The following JAG1 variants were observed in gnomAD, a reference collection of about 807,000 sequenced individuals.
JAG1 encodes protein jagged-1.
A neutral mutation model predicts 148.7 loss-of-function variants in JAG1; 23 were observed. The observed-to-expected ratio is 0.15, with a 90% CI of 0.11 to 0.22. The LOEUF is 0.22. JAG1 is among the 10% of genes least tolerant of loss of function. The pLI is 1.00. For missense variants in JAG1, 1,054 were observed against 1,611.2 expected (o/e 0.65, Z 5.92); for synonymous variants, 572 against 598.3 (o/e 0.96, Z 0.64).
At chr20:10,670,959 T>C (rs933349355) in intron 2 of JAG1, among the ~76,000 whole-genome samples, 2 of 152,254 alleles carry the variant, frequency 1.3e-5, no homozygotes, top group African/African-American at 4.8e-5. Context: ...CACTTTTCCT[T>C]GGCCAGCGAG....
Position 10,641,523 on chromosome 20 carries a change from G to A in JAG1, c.2853C>T (p.Asp951=), listed in dbSNP as rs770380587. ...LQPVKTKCTS[D]SYYQDNCANI... is the part of the protein sequence containing the mutation. The stretch of plus-strand genomic sequence containing the variant: ...TCGCACAGTTATCCTGGTAATAGGA[G>A]TCAGAGGTGCACTTTGTCTTCACCG... Residue 951 remains aspartate, a synonymous_variant, in exon 23 of 26, where the codon GAC becomes GAT. Transcript: ENST00000254958. The A allele has an allele frequency of 1.1e-5, 17 of 1,614,094 alleles. No individual in the cohort carries two copies. Among genetic ancestry groups the A allele is most frequent in the Middle Eastern group, 3.3e-4 (2 of 6,082 alleles).
chr20:10,650,430 C>A, intron 8 of JAG1, 70 bp from the exon 9 acceptor site: 2 of 852,768 alleles, frequency 2.3e-6, no homozygotes, highest in Non-Finnish European at 4.0e-6. Context: ...CCTTTAACAT[C>A]ACCTCTTACA....
chr20:10,660,082 T>A (rs551669447), intron 3 of JAG1, among the ~76,000 whole-genome samples: 121 of 152,324 alleles, frequency 7.9e-4, no homozygotes, highest in South Asian at 1.5e-3. Flanking sequence ...TTGTGATTCT[T>A]ACCCACCCAC....
At chr20:10,669,960 T>C (rs182263961) in intron 2 of JAG1, among the ~76,000 whole-genome samples, 288 of 152,304 alleles carry the variant, frequency 1.9e-3, no homozygotes, top group Non-Finnish European at 3.3e-3. Context: ...TTAATCCAGA[T>C]AGTTGCTGCA....
In JAG1 at chr20:10,673,659, G is replaced by A. The variant is rs886056516; in HGVS notation, c.-129C>T. 17 of 317,752 alleles carry A rather than the reference G, an allele frequency of 5.4e-5. No homozygotes were observed. Among genetic ancestry groups the A allele is most frequent in the Non-Finnish European group, 9.2e-5 (17 of 184,610 alleles). 19.7% of individuals were successfully genotyped at this position (317,752 alleles called of 1,614,324 possible). On this transcript the variant is annotated 5_prime_UTR_variant, in exon 1 of 26. Coordinates refer to ENST00000254958, the MANE Select transcript of JAG1 (RefSeq NM_000214.3). This position sits in a 1 kb window ranked among gnomAD's most constrained non-coding sequence, Gnocchi z 4.7. ...CGGCTCTAATATACTCCGCCGATTG[G>A]AGCATGCACGACTGGAAAACAACAC...
intron 6 of JAG1, 45 bp downstream of exon 6, chr20:10,652,423 C>T (rs1354642680): frequency 1.4e-5 from 22 of 1,611,008 alleles, no homozygotes; most frequent in Non-Finnish European, 1.8e-5. Context: ...TTAGTGCCAT[C>T]CCACCCCCAG....
intron 5 of JAG1, chr20:10,652,842 C>G (rs1283752486): frequency 2.3e-6 from 1 of 430,424 alleles, no homozygotes; most frequent in Non-Finnish European, 4.4e-6. Flanking sequence ...ATGGGGATGC[C>G]CTTCACAAAG....
At chr20:10,660,801 T>C (rs1436428734) in intron 3 of JAG1, among the ~76,000 whole-genome samples, 1 of 152,188 alleles carries the variant, frequency 6.6e-6, no homozygotes, top group East Asian at 1.9e-4. Context: ...TGGCAGTTCG[T>C]TTGGCAGTCC....
Position 10,654,595 on chromosome 20 carries a change from A to G in JAG1, c.755+1803T>C, listed in dbSNP as rs575715977. ...AAAGACAACTTGCAGGTAACTTGCC[A>G]TTCAACTATTTCTGCAGCAGGACAC... is the stretch of plus-strand genomic sequence containing the variant. On this transcript the variant is annotated intron_variant, in intron 5 of 25. Transcript: ENST00000254958. Among the ~76,000 whole-genome samples the G allele has an allele frequency of 1.4e-4, 21 of 152,290 alleles. No homozygotes were observed. In the South Asian group the frequency reaches 4.1e-3, roughly 30 times the overall value.
At chr20:10,649,797 T>TCCCTCTCCC in intron 9 of JAG1, 162 bp from the exon 10 acceptor site, 1 of 664,434 alleles carries the variant, frequency 1.5e-6, no homozygotes, top group Non-Finnish European at 2.7e-6. Context: ...AAGCATCTGA[T>TCCCTCTCCC]CCCTCTCCCT....
rs2067351426 is a variant in JAG1, at chr20:10,652,175, T to C, written c.962A>G (p.Gln321Arg). 6.2e-7 allele frequency: 1 copy of C among 1,614,050 alleles called. No homozygotes were observed. The highest frequency in any genetic ancestry group is 1.1e-5 in the South Asian group (1 of 91,078). Residue 321 changes from glutamine to arginine, a missense_variant, in exon 7 of 26, where the codon CAG becomes CGG. By Grantham distance (43) the Gln-to-Arg change is conservative. Coordinates refer to ENST00000254958, the MANE Select transcript of JAG1 (RefSeq NM_000214.3). ...TGAATACCCCTCAGGGCAGGAACAC[T>C]GATATTTGTCAGGGCCTGTGTTGCT... ...TCSNTGPDKY[Q>R]CSCPEGYSGP...
Position 10,652,213 on chromosome 20 carries a change from G to C in JAG1, c.924C>G (p.Asn308Lys). Residue 308 changes from asparagine (N) to lysine (K), a missense_variant, in exon 7 of 26, where the codon AAC (asparagine) becomes AAG (lysine). Coordinates refer to ENST00000254958, the MANE Select transcript of JAG1 (RefSeq NM_000214.3). ...GGCCTGTGTTGCTACAAGTTCCCCC[G>C]TTGAGACACGGCTGATGAGTCCCAC... ...NYCGTHQPCL[N>K]GGTCSNTGPD... 1 of 1,613,964 alleles carries C rather than the reference G, an allele frequency of 6.2e-7. No individual in the cohort carries two copies. The highest frequency in any genetic ancestry group is 1.3e-5 in the African/African-American group (1 of 75,002).
rs140481981 is a variant in JAG1, at chr20:10,654,885, C to T, written c.755+1513G>A. 4.3e-3 allele frequency among the ~76,000 whole-genome samples: 648 copies of T among 152,316 alleles called. 7 individuals carry two copies. Among genetic ancestry groups the T allele is most frequent in the Non-Finnish European group, 7.3e-3 (499 of 68,024 alleles). On this transcript the variant is annotated intron_variant, in intron 5 of 25. Coordinates refer to ENST00000254958, the MANE Select transcript of JAG1 (RefSeq NM_000214.3). Reference sequence around the variant, plus strand: ...GTGTTCTGATGACAGCAGCACAAATCACAGTCGGCCTCCGCTGATATCCAT... The same window carrying T: ...GTGTTCTGATGACAGCAGCACAAATTACAGTCGGCCTCCGCTGATATCCAT...
chr20:10,660,879 C>A (rs767409903), intron 3 of JAG1, among the ~76,000 whole-genome samples: 1 of 152,092 alleles, frequency 6.6e-6, no homozygotes, highest in Non-Finnish European at 1.5e-5. Flanking sequence ...AGATGAGTCA[C>A]GAAGAAGCCA....
Position 10,638,034 on chromosome 20 carries a change from A to G in JAG1, c.*1464T>C, listed in dbSNP as rs1208128896. ...TTTTCAAAATTTATTGCCAAGAACA[A>G]CACATCAAAGATGCATTTGTATGTT... On this transcript the variant is annotated 3_prime_UTR_variant, in exon 26 of 26. Coordinates refer to ENST00000254958, the MANE Select transcript of JAG1 (RefSeq NM_000214.3). 6.5e-6 allele frequency: 1 copy of G among 152,706 alleles called. No individual in the cohort carries two copies. The highest frequency in any genetic ancestry group is 2.4e-5 in the African/African-American group (1 of 41,472). 9.5% of individuals were successfully genotyped at this position (152,706 alleles called of 1,614,324 possible).
Position 10,647,062 on chromosome 20 carries a change from G to T in JAG1, c.1762C>A (p.Pro588Thr). 1 of 1,614,202 alleles carries T rather than the reference G, an allele frequency of 6.2e-7. No individual in the cohort carries two copies. The highest frequency in any genetic ancestry group is 2.2e-5 in the East Asian group (1 of 44,874). ...CTVAMASNDT[P>T]EGVRYISSNV... ...GAGGAAATATACCGCACCCCTTCAG[G>T]TGTGTCGTTGGAAGCCATGGCCACT... The change falls in exon 14 of 26, where the codon CCT becomes ACT. Residue 588 changes from proline to threonine, a missense_variant. Transcript: ENST00000254958.
chr20:10,645,287 G>C lies in JAG1; in HGVS notation c.2114-31C>G. On this transcript the variant is annotated intron_variant, in intron 16 of 25. Transcript: ENST00000254958. This position sits in a 1 kb window ranked among gnomAD's most constrained non-coding sequence, Gnocchi z 6.1. ...GGAAAATATTTCAGTGTGAGTCCCA[G>C]TGGCCCCCTCCCACAGAAGACAGAG... The C allele has an allele frequency of 6.2e-7, 1 of 1,606,812 alleles. No individual in the cohort carries two copies. The highest frequency in any genetic ancestry group is 1.1e-5 in the South Asian group (1 of 90,918).
intron 2 of JAG1, among the ~76,000 whole-genome samples, chr20:10,669,497 GC>G (rs2067479975): frequency 7.8e-6 from 1 of 128,098 alleles, no homozygotes; most frequent in Non-Finnish European, 1.6e-5. Context: ...CATGAAGGGG[GC>G]CAAAGCTGGC....
intron 3 of JAG1, among the ~76,000 whole-genome samples, chr20:10,661,206 T>C (rs1295614802): frequency 6.6e-6 from 1 of 152,128 alleles, no homozygotes; most frequent in Non-Finnish European, 1.5e-5. Flanking sequence ...ACCTAGGCTA[T>C]ATTTGGGCCC....
Sources: gnomAD v4.1 joint callset for allele counts (sites outside exome capture counted in the v4.1 genomes callset) on GRCh38, gnomAD v4.1.1 for gene constraint, Gnocchi (gnomAD v3.1) non-coding constraint, MANE v1.5 for transcripts, NCBI Gene and HGNC (gene_info 2026-07-23, HGNC 2026-07-21) for gene names.